Variants in ADCY8 observed in about 807,000 individuals in gnomAD.
ADCY8 encodes the protein adenylate cyclase type 8.
In ADCY8, 51 loss-of-function variants were observed where a neutral mutation model predicts 119.7. The ratio of observed to expected loss-of-function variants is 0.43; its 90% CI spans 0.34 to 0.54. The LOEUF (loss-of-function observed/expected upper bound fraction) is 0.54. ADCY8 is among the 20% of genes least tolerant of loss of function. The probability of loss-of-function intolerance (pLI) is 0.03; values close to 1 mark genes in which losing one functional copy is unlikely to be tolerated. For synonymous variants in ADCY8, 665 were observed against 651.0 expected (o/e 1.02, Z -0.33); for missense variants, 1,383 against 1,598.8 (o/e 0.87, Z 2.30).
chr8:130,815,829 G>A (rs1028047765), intron 13 of ADCY8, among the ~76,000 whole-genome samples: 2 of 152,156 alleles, frequency 1.3e-5, no homozygotes, highest in Non-Finnish European at 2.9e-5. Context: ...GACCAGGCAG[G>A]GGCGGAATAG....
intron 2 of ADCY8, among the ~76,000 whole-genome samples, chr8:130,981,533 A>T (rs1222283075): frequency 1.3e-5 from 2 of 152,048 alleles, no homozygotes; most frequent in African/African-American, 2.4e-5. Flanking sequence ...CAAGATAAAA[A>T]GCCCCCACAG....
chr8:130,944,179 G>A (rs1821041075), intron 3 of ADCY8, among the ~76,000 whole-genome samples: 1 of 152,208 alleles, frequency 6.6e-6, no homozygotes, highest in African/African-American at 2.4e-5. Context: ...TTCAGCCCAT[G>A]AGGAAACTGA....
intron 1 of ADCY8, among the ~76,000 whole-genome samples, chr8:131,000,215 C>T (rs1049377674): frequency 6.6e-6 from 1 of 152,098 alleles, no homozygotes; most frequent in African/African-American, 2.4e-5. Flanking sequence ...AGGGTGGGGT[C>T]TAAGCAAGAC....
intron 12 of ADCY8, among the ~76,000 whole-genome samples, chr8:130,822,049 C>G (rs1284820992): frequency 1.3e-5 from 2 of 152,130 alleles, no homozygotes; most frequent in Non-Finnish European, 2.9e-5. Flanking sequence ...GTGTGCCAGG[C>G]ATAATATTCT....
At chr8:130,858,986 C>T (rs755804004) in intron 9 of ADCY8, among the ~76,000 whole-genome samples, 1 of 151,686 alleles carries the variant, frequency 6.6e-6, no homozygotes, top group African/African-American at 2.4e-5. Flanking sequence ...CCTACAAGAT[C>T]GCCAAGGCTA....
chr8:130,928,200 T>A (rs1183405150), intron 5 of ADCY8, among the ~76,000 whole-genome samples: 1 of 152,144 alleles, frequency 6.6e-6, no homozygotes, highest in African/African-American at 2.4e-5. Flanking sequence ...GCCTCCCAAG[T>A]AGCTAGGACT....
intron 5 of ADCY8, among the ~76,000 whole-genome samples, chr8:130,924,989 A>G (rs2130593291): frequency 6.6e-6 from 1 of 151,812 alleles, no homozygotes; most frequent in African/African-American, 2.4e-5. Flanking sequence ...CAGGTGGATC[A>G]CAAGGTCAGG....
At chr8:130,869,583 T>G (rs921180109) in intron 8 of ADCY8, among the ~76,000 whole-genome samples, 11 of 150,320 alleles carry the variant, frequency 7.3e-5, no homozygotes, top group Non-Finnish European at 1.6e-4. Context: ...AGTGGTGTGA[T>G]CTCGGTTCAC....
At chr8:130,956,045 T>G (rs565220453) in intron 2 of ADCY8, among the ~76,000 whole-genome samples, 2 of 152,126 alleles carry the variant, frequency 1.3e-5, no homozygotes, top group Non-Finnish European at 2.9e-5. Context: ...CTTGGGAGGC[T>G]GAGGTGGGAG....
chr8:130,922,058 C>A (rs1373349613), intron 5 of ADCY8, among the ~76,000 whole-genome samples: 1 of 152,126 alleles, frequency 6.6e-6, no homozygotes, highest in Non-Finnish European at 1.5e-5. Context: ...TGAGCCAGCA[C>A]ATTAGCTCAC....
intron 1 of ADCY8, among the ~76,000 whole-genome samples, chr8:131,038,419 T>C (rs1349155508): frequency 6.6e-6 from 1 of 152,122 alleles, no homozygotes; most frequent in Non-Finnish European, 1.5e-5. Context: ...CCAAAGTCAC[T>C]CTCCTGTTAC....
At chr8:131,030,204 G>T (rs1823956303) in intron 1 of ADCY8, among the ~76,000 whole-genome samples, 1 of 152,140 alleles carries the variant, frequency 6.6e-6, no homozygotes, top group Non-Finnish European at 1.5e-5. Flanking sequence ...TTCAGCTGGA[G>T]TCACTCTGAG....
chr8:130,847,522 TAAAAAA>T lies in ADCY8; in HGVS notation c.2413-15_2413-10del. The stretch of plus-strand genomic sequence containing the variant: ...TCAAAATCACACCACAGCTGCGGAT[TAAAAAA>T]AAAAAAAAAAGAACAACAAAAACAA... On this transcript the variant is annotated splice_polypyrimidine_tract_variant and intron_variant, in intron 10 of 17. Coordinates refer to ENST00000286355, the MANE Select transcript of ADCY8 (RefSeq NM_001115.3). 1.0e-5 allele frequency: 15 copies of T among 1,438,446 alleles called. No individual in the cohort carries two copies. Among genetic ancestry groups the T allele is most frequent in the Admixed American group, 2.4e-5 (1 of 41,876 alleles). 89.1% of individuals were successfully genotyped at this position (1,438,446 alleles called of 1,614,324 possible). A position where few individuals can be genotyped will look rare whatever the true frequency, so the allele number is the denominator to read the frequency against.
chr8:130,884,841 T>C (rs1818918069), intron 7 of ADCY8, 80 bp from the exon 8 acceptor site: 3 of 1,327,238 alleles, frequency 2.3e-6, no homozygotes, highest in South Asian at 2.4e-5. Flanking sequence ...TTTTAAATCA[T>C]GTTGCATTGC....
intron 1 of ADCY8, among the ~76,000 whole-genome samples, chr8:131,012,065 G>A (rs555362278): frequency 6.6e-6 from 1 of 152,276 alleles, no homozygotes; most frequent in African/African-American, 2.4e-5. Flanking sequence ...CTCAGAACCA[G>A]AAACTCTGCA....
intron 1 of ADCY8, 127 bp from the exon 2 acceptor site, chr8:130,990,669 G>A: frequency 1.6e-6 from 2 of 1,217,394 alleles, no homozygotes; most frequent in Non-Finnish European, 2.3e-6. Context: ...TTAATCGCAT[G>A]TTTGTAGAGC....
At chr8:130,849,029 G>A (rs910016395) in intron 10 of ADCY8, among the ~76,000 whole-genome samples, 1 of 152,104 alleles carries the variant, frequency 6.6e-6, no homozygotes, top group African/African-American at 2.4e-5. Context: ...CACATAGTAG[G>A]TGCTCAATAA....
intron 7 of ADCY8, 24 bp from the exon 8 acceptor site, chr8:130,884,785 A>G: frequency 6.2e-7 from 1 of 1,606,796 alleles, no homozygotes; most frequent in South Asian, 1.1e-5. Context: ...ACATGCAAAC[A>G]CAATAAACCT....
intron 9 of ADCY8, among the ~76,000 whole-genome samples, chr8:130,863,182 G>A (rs1818000975): frequency 6.6e-6 from 1 of 151,924 alleles, no homozygotes; most frequent in African/African-American, 2.4e-5. Context: ...CATATTGCTC[G>A]TTCTTCTTAG....
Sources: gnomAD v4.1 joint callset for allele counts (sites outside exome capture counted in the v4.1 genomes callset) on GRCh38, gnomAD v4.1.1 for gene constraint, MANE v1.5 for transcripts, NCBI Gene and HGNC (gene_info 2026-07-23, HGNC 2026-07-21) for gene names.